Variants in FUT9 observed in about 807,000 individuals in gnomAD.
FUT9 encodes the protein fucosyltransferase 9.
FUT9 carries 15 observed loss-of-function variants against 29.7 expected under a neutral mutation model. The ratio of observed to expected loss-of-function variants is 0.51; its 90% CI spans 0.34 to 0.78. The LOEUF (loss-of-function observed/expected upper bound fraction) is 0.78, where lower values mean the gene tolerates loss of function less well. Ranked by LOEUF, FUT9 falls within the 30% of genes least tolerant of loss-of-function variation. The probability of loss-of-function intolerance (pLI) is 0.01; values close to 1 mark genes in which losing one functional copy is unlikely to be tolerated. For synonymous variants in FUT9, 169 were observed against 153.7 expected (o/e 1.10, Z -0.74); for missense variants, 319 against 425.4 (o/e 0.75, Z 2.20).
At chr6:96,036,252 A>G (rs1770363928) in intron 1 of FUT9, among the ~76,000 whole-genome samples, 2 of 151,102 alleles carry the variant, frequency 1.3e-5, no homozygotes, top group Admixed American at 6.6e-5. Flanking sequence ...TTTTCATCCA[A>G]GATGTTCTTT....
Position 96,102,797 on chromosome 6 carries a change from CT to C in FUT9, c.-97-11241del, listed in dbSNP as rs1451094590. 2.6e-5 allele frequency among the ~76,000 whole-genome samples: 4 copies of C among 152,138 alleles called. No individual in the cohort carries two copies. In the South Asian group the frequency reaches 8.3e-4, roughly 31 times the overall value. On this transcript the variant is annotated intron_variant, in intron 1 of 2. Coordinates refer to ENST00000302103, the MANE Select transcript of FUT9 (RefSeq NM_006581.4). ...CATGTAGAAATTGCGTGTTTTACCC[CT>C]GTATACCAAATTTGAAAAGAAAACA...
intron 1 of FUT9, among the ~76,000 whole-genome samples, chr6:96,111,960 A>C (rs571445877): frequency 4.1e-4 from 63 of 152,188 alleles, no homozygotes; most frequent in Non-Finnish European, 8.7e-4. Context: ...TTACTCATTT[A>C]ACAATCCTAA....
At chr6:96,140,144 C>A (rs943094695) in intron 2 of FUT9, among the ~76,000 whole-genome samples, 1 of 152,154 alleles carries the variant, frequency 6.6e-6, no homozygotes, top group Admixed American at 6.6e-5. Context: ...AGAGCAGGGG[C>A]AAAATACCAC....
At chr6:96,062,400 A>G (rs941477116) in intron 1 of FUT9, among the ~76,000 whole-genome samples, 9 of 152,146 alleles carry the variant, frequency 5.9e-5, no homozygotes, top group Non-Finnish European at 1.0e-4. Flanking sequence ...CAGTAAAATC[A>G]TGTTATTTGG....
At chr6:96,045,537 A>G (rs993655255) in intron 1 of FUT9, among the ~76,000 whole-genome samples, 6 of 152,226 alleles carry the variant, frequency 3.9e-5, no homozygotes, top group Non-Finnish European at 5.9e-5. Context: ...AGACACTTTA[A>G]GTGTTTAAAT....
intron 1 of FUT9, among the ~76,000 whole-genome samples, chr6:96,054,888 A>T (rs1401408283): frequency 6.6e-6 from 1 of 152,182 alleles, no homozygotes; most frequent in Non-Finnish European, 1.5e-5. Context: ...ATTACATACT[A>T]AAGAAATATT....
At chr6:96,139,584 C>A (rs974334120) in intron 2 of FUT9, among the ~76,000 whole-genome samples, 1 of 152,164 alleles carries the variant, frequency 6.6e-6, no homozygotes, top group African/African-American at 2.4e-5. Context: ...CATGACCCTC[C>A]GCCCCTGCGG....
chr6:96,118,812 TCAC>T (rs1412895461), intron 2 of FUT9, among the ~76,000 whole-genome samples: 1 of 152,130 alleles, frequency 6.6e-6, no homozygotes, highest in East Asian at 1.9e-4. Flanking sequence ...TTGATGATCT[TCAC>T]CCTGTGTAGA....
chr6:96,078,408 C>CTTTTTTTTTTTTTTTTTTTTTTTTTTT lies in FUT9; in HGVS notation c.-97-35627_-97-35601dup, dbSNP rs71012536. 1.6e-4 allele frequency among the ~76,000 whole-genome samples: 7 copies of CTTTTTTTTTTTTTTTTTTTTTTTTTTT among 44,200 alleles called. 1 individual carries two copies. The highest frequency in any genetic ancestry group is 3.0e-4 in the African/African-American group (3 of 9,916). The allele number at this position is 44,200 out of a possible 152,430, so 29.0% of individuals were successfully genotyped here. ...GATCTCTTTCTTTCATATTAGTCTT[C>CTTTTTTTTTTTTTTTTTTTTTTTTTTT]TTTTTTTTTTTTTTTTTTTTTTTTT... On this transcript the variant is annotated intron_variant, in intron 1 of 2. Transcript: ENST00000302103.
intron 1 of FUT9, among the ~76,000 whole-genome samples, chr6:96,103,376 AC>A (rs1429757409): frequency 6.6e-6 from 1 of 152,136 alleles, no homozygotes; most frequent in East Asian, 1.9e-4. Context: ...CGTTACCTCA[AC>A]TACTCTCCTT....
chr6:96,038,466 G>C (rs1562103809), intron 1 of FUT9, among the ~76,000 whole-genome samples: 3 of 151,984 alleles, frequency 2.0e-5, no homozygotes, highest in Non-Finnish European at 4.4e-5. Flanking sequence ...AAAGAATGTG[G>C]GAGACTATGA....
At chr6:96,064,649 A>C (rs1378500801) in intron 1 of FUT9, among the ~76,000 whole-genome samples, 1 of 152,144 alleles carries the variant, frequency 6.6e-6, no homozygotes, top group Admixed American at 6.5e-5. Context: ...AAGTGGGTGG[A>C]TCTTTAATCA....
At chr6:96,044,643 C>CT (rs35621617) in intron 1 of FUT9, among the ~76,000 whole-genome samples, 7 of 152,040 alleles carry the variant, frequency 4.6e-5, no homozygotes, top group South Asian at 2.1e-4. Context: ...TTATTCTGTG[C>CT]TTTTTTTTCC....
intron 2 of FUT9, among the ~76,000 whole-genome samples, chr6:96,157,973 G>A (rs1008464830): frequency 6.6e-6 from 1 of 151,918 alleles, no homozygotes; most frequent in Non-Finnish European, 1.5e-5. Context: ...AATTTTACTT[G>A]TAAATATCAA....
intron 1 of FUT9, among the ~76,000 whole-genome samples, chr6:96,088,526 TGTTTTGTGTGTGTGTG>T (rs1440420257): frequency 8.3e-6 from 1 of 120,824 alleles, no homozygotes; most frequent in Non-Finnish European, 1.7e-5. Flanking sequence ...TCTGTTTGTT[TGTTTTGTGTGTGTGTG>T]TGTGTGTGTG....
chr6:96,194,317 T>C (rs1773579393), intron 2 of FUT9, among the ~76,000 whole-genome samples: 1 of 152,144 alleles, frequency 6.6e-6, no homozygotes, highest in African/African-American at 2.4e-5. Flanking sequence ...GGTAGAAGAA[T>C]TTGCCTTTCT....
Position 96,214,193 on chromosome 6 carries a change from A to G in FUT9, c.*9958A>G, listed in dbSNP as rs1232672164. 4 of 166,888 alleles carry G rather than the reference A, an allele frequency of 2.4e-5. No individual in the cohort carries two copies. The highest frequency in any genetic ancestry group is 7.2e-5 in the African/African-American group (3 of 41,464). 10.3% of individuals were successfully genotyped at this position (166,888 alleles called of 1,614,324 possible). Reference sequence around the variant, plus strand: ...GTTGGCAAGTGATACAATTTACTGTATAACAACTTAATAGTACAAAGCATG... The same window carrying G: ...GTTGGCAAGTGATACAATTTACTGTGTAACAACTTAATAGTACAAAGCATG... On this transcript the variant is annotated 3_prime_UTR_variant, in exon 3 of 3. Coordinates refer to ENST00000302103, the MANE Select transcript of FUT9 (RefSeq NM_006581.4).
At chr6:96,088,526 TGTTTTGTG>T (rs1771357078) in intron 1 of FUT9, among the ~76,000 whole-genome samples, 1 of 120,826 alleles carries the variant, frequency 8.3e-6, no homozygotes, top group Non-Finnish European at 1.7e-5. Flanking sequence ...TCTGTTTGTT[TGTTTTGTG>T]TGTGTGTGTG....
At chr6:96,023,053 C>G (rs1037217628) in intron 1 of FUT9, among the ~76,000 whole-genome samples, 4 of 151,920 alleles carry the variant, frequency 2.6e-5, no homozygotes, top group African/African-American at 9.7e-5. Context: ...AGCCTACTAA[C>G]ACAGTGTGTT....
Sources: gnomAD v4.1 joint callset for allele counts (sites outside exome capture counted in the v4.1 genomes callset) on GRCh38, gnomAD v4.1.1 for gene constraint, MANE v1.5 for transcripts, NCBI Gene and HGNC (gene_info 2026-07-23, HGNC 2026-07-21) for gene names.